The following ADAP1 variants were observed in gnomAD, a reference collection of about 807,000 sequenced individuals.
ADAP1 encodes the protein ArfGAP with dual PH domains 1, also known as arf-GAP with dual PH domain-containing protein 1.
A neutral mutation model predicts 54.9 loss-of-function variants in ADAP1; 31 were observed. That is an observed-to-expected ratio of 0.56 (90% confidence interval 0.42 to 0.76). The LOEUF is 0.76. Among genes scored for constraint, ADAP1 ranks in the 30% least tolerant of loss-of-function variants. The pLI is 0.00. For synonymous variants in ADAP1, 313 were observed against 202.6 expected, an observed-to-expected ratio of 1.55 and a Z score of -4.63; for missense variants, 535 against 512.4, an observed-to-expected ratio of 1.04 and a Z score of -0.42.
intron 1 of ADAP1, among the ~76,000 whole-genome samples, chr7:936,041 C>T (rs62433083): frequency 0.22 from 33,057 of 152,176 alleles, 4,224 homozygotes; most frequent in South Asian, 0.44. Context: ...GGGGTGACAG[C>T]GCCCGGCGGC....
At chr7:910,888 T>C (rs1845695540) in intron 4 of ADAP1, among the ~76,000 whole-genome samples, 1 of 152,192 alleles carries the variant, frequency 6.6e-6, no homozygotes, top group African/African-American at 2.4e-5. Context: ...TGGGTCCTAG[T>C]GGCTCCTGCC....
chr7:947,378 G>C (rs1008506813), intron 1 of ADAP1, among the ~76,000 whole-genome samples: 2 of 151,940 alleles, frequency 1.3e-5, no homozygotes, highest in Non-Finnish European at 2.9e-5. Flanking sequence ...AAAAAGGAGA[G>C]AGAGAGACAT....
At chr7:932,824 C>T (rs1000683882) in intron 2 of ADAP1, among the ~76,000 whole-genome samples, 4 of 152,278 alleles carry the variant, frequency 2.6e-5, no homozygotes, top group South Asian at 4.1e-4. Flanking sequence ...TTCGCAGGGA[C>T]GCCCTCAACT....
At chr7:947,347 G>A (rs1334479074) in intron 1 of ADAP1, among the ~76,000 whole-genome samples, 1 of 149,424 alleles carries the variant, frequency 6.7e-6, no homozygotes, top group Non-Finnish European at 1.5e-5. Context: ...GTGAGCCACC[G>A]CGCCTGACCT....
intron 4 of ADAP1, among the ~76,000 whole-genome samples, chr7:906,698 GACAT>G (rs1845423339): frequency 2.3e-4 from 8 of 34,294 alleles, no homozygotes; most frequent in Admixed American, 9.3e-4. Flanking sequence ...GGGGGACATG[GACAT>G]GGGGGACGGG....
chr7:900,272 G>T, intron 7 of ADAP1, 108 bp from the exon 8 acceptor site: 1 of 1,380,216 alleles, frequency 7.2e-7, no homozygotes, highest in Non-Finnish European at 1.0e-6. Context: ...CCAGGTCAGG[G>T]CCCAGGCCTG....
Position 943,563 on chromosome 7 carries a change from A to T in ADAP1, c.83-8058T>A, listed in dbSNP as rs751108151. 1.6e-3 allele frequency among the ~76,000 whole-genome samples: 17 copies of T among 10,878 alleles called. 1 individual carries two copies. Among genetic ancestry groups the T allele is most frequent in the African/African-American group, 2.1e-3 (2 of 952 alleles). The allele number at this position is 10,878 out of a possible 152,430, so 7.1% of individuals were successfully genotyped here. A position where few individuals can be genotyped will look rare whatever the true frequency, so the allele number is the denominator to read the frequency against. ...GAGGAAGGGAGGAGGAGGAAGGGAG[A>T]GAGGAGGAAGGGAGAGAGGATGAGG... is the stretch of plus-strand genomic sequence containing the variant. On this transcript the variant is annotated intron_variant, in intron 1 of 10. Coordinates refer to ENST00000265846, the MANE Select transcript of ADAP1 (RefSeq NM_006869.4).
chr7:955,172 G>A, upstream of ADAP1: 2 of 847,806 alleles, frequency 2.4e-6, no homozygotes, highest in Non-Finnish European at 1.9e-6. Flanking sequence ...GACCCACCCA[G>A]CCGCCCACCA....
intron 4 of ADAP1, among the ~76,000 whole-genome samples, chr7:905,798 GAGAAAGGAGAAAGGAGAA>G (rs1845228781): frequency 1.4e-5 from 1 of 71,166 alleles, no homozygotes; most frequent in African/African-American, 4.2e-5. Flanking sequence ...AAGGAGAAAG[GAGAAAGGAGAAAGGAGAA>G]GGGAGAAGGG....
At chr7:935,336 G>A in intron 2 of ADAP1, 39 bp downstream of exon 2, 3 of 1,542,396 alleles carry the variant, frequency 1.9e-6, no homozygotes, top group African/African-American at 2.7e-5. Flanking sequence ...GAGGCCACCC[G>A]GGGACTGCGC....
At chr7:922,524 G>A (rs145154195) in intron 3 of ADAP1, among the ~76,000 whole-genome samples, 3 of 152,266 alleles carry the variant, frequency 2.0e-5, no homozygotes, top group Non-Finnish European at 4.4e-5. Context: ...TCCCCAGGAC[G>A]GGTCCAGTGG....
At position 945,199 on chromosome 7, in the gene ADAP1, C is replaced by A. The variant is rs981082149; in HGVS notation, c.82+9197G>T. ...ACTGAGGCTGGGCTGGGCAGGCCTC[C>A]TTCTCAGGCTGCTGGGCATGGCCAG... On this transcript the variant is annotated intron_variant, in intron 1 of 10. Transcript: ENST00000265846. The surrounding 1 kb of genome is among the most constrained non-coding windows in gnomAD (Gnocchi z 4.2). Among the ~76,000 whole-genome samples, 11 of 152,206 alleles carry A rather than the reference C, an allele frequency of 7.2e-5. No individual in the cohort carries two copies. Among genetic ancestry groups the A allele is most frequent in the Non-Finnish European group, 8.8e-5 (6 of 68,038 alleles).
At position 938,393 on chromosome 7, in the gene ADAP1, C is replaced by T. The variant is rs1254512983; in HGVS notation, c.83-2888G>A. On this transcript the variant is annotated intron_variant, in intron 1 of 10. Transcript: ENST00000265846. This position sits in a 1 kb window ranked among gnomAD's most constrained non-coding sequence, Gnocchi z 4.4. ...GATGAAGTCTCTCTATGTTGCCCAG[C>T]TTGGGCTTGAACTCCTGGGCTCAAG... is the stretch of plus-strand genomic sequence containing the variant. 6.6e-6 allele frequency among the ~76,000 whole-genome samples: 1 copy of T among 151,892 alleles called. No individual in the cohort carries two copies. The highest frequency in any genetic ancestry group is 1.5e-5 in the Non-Finnish European group (1 of 67,984).
chr7:922,605 T>C (rs944344507), intron 3 of ADAP1, among the ~76,000 whole-genome samples: 4 of 152,232 alleles, frequency 2.6e-5, no homozygotes, highest in African/African-American at 9.6e-5. Context: ...CACTCCTGAG[T>C]GTGCCTTCTG....
rs1846393926 is a variant in ADAP1, at chr7:926,501, C to T, written c.305+52G>A. On this transcript the variant is annotated intron_variant, in intron 3 of 10. Transcript: ENST00000265846. This position sits in a 1 kb window ranked among gnomAD's most constrained non-coding sequence, Gnocchi z 4.6. ...CTGCCGGGTCCTCCCGGGGCCATCT[C>T]GGAGCCACCCAGCACTTGACCATGG... 10 of 1,459,680 alleles carry T rather than the reference C, an allele frequency of 6.9e-6. No individual in the cohort carries two copies. Among genetic ancestry groups the T allele is most frequent in the South Asian group, 2.7e-5 (2 of 75,410 alleles). 90.4% of individuals were successfully genotyped at this position (1,459,680 alleles called of 1,614,324 possible). A position where few individuals can be genotyped will look rare whatever the true frequency, so the allele number is the denominator to read the frequency against.
In ADAP1 at chr7:920,462, G is replaced by A. The variant is rs1046415297; in HGVS notation, c.306-412C>T. On this transcript the variant is annotated intron_variant, in intron 3 of 10. Coordinates refer to ENST00000265846, the MANE Select transcript of ADAP1 (RefSeq NM_006869.4). The surrounding 1 kb of genome is among the most constrained non-coding windows in gnomAD (Gnocchi z 4.5). ...CCGACCCTCCCCACCTCGTTGGACCGGATCTGGGAAGTGGCCGCGGCGCCG... is the reference window on the plus strand; with the variant it reads ...CCGACCCTCCCCACCTCGTTGGACCAGATCTGGGAAGTGGCCGCGGCGCCG... 3.1e-5 allele frequency among the ~76,000 whole-genome samples: 4 copies of A among 130,902 alleles called. No homozygotes were observed. The highest frequency in any genetic ancestry group is 2.8e-4 in the South Asian group (1 of 3,538). 85.9% of individuals were successfully genotyped at this position (130,902 alleles called of 152,430 possible). A position where few individuals can be genotyped will look rare whatever the true frequency, so the allele number is the denominator to read the frequency against.
chr7:907,619 G>A (rs1309728107), intron 4 of ADAP1, among the ~76,000 whole-genome samples: 1 of 152,140 alleles, frequency 6.6e-6, no homozygotes, highest in Non-Finnish European at 1.5e-5. Context: ...GGTTCCTATC[G>A]TTGCCCGTCC....
intron 4 of ADAP1, 104 bp from the exon 5 acceptor site, chr7:905,276 G>GGA: frequency 2.4e-6 from 1 of 417,218 alleles, no homozygotes; most frequent in Non-Finnish European, 3.9e-6. Flanking sequence ...AAGACACGGG[G>GGA]GACACGGACG....
At chr7:927,142 C>T (rs1056350151) in intron 2 of ADAP1, 1 of 1,303,690 alleles carries the variant, frequency 7.7e-7, no homozygotes, top group African/African-American at 1.5e-5. Flanking sequence ...AGGACAGAGT[C>T]TCTGAGGGGA....
Sources: allele counts gnomAD v4.1 joint callset (sites outside exome capture counted in the v4.1 genomes callset), GRCh38; gene constraint gnomAD v4.1.1; non-coding constraint Gnocchi (gnomAD v3.1); transcripts MANE v1.5; gene names NCBI Gene and HGNC (gene_info 2026-07-23, HGNC 2026-07-21).